The following CDH12 variants were observed in gnomAD, a reference collection of about 807,000 sequenced individuals.
CDH12 encodes cadherin-12.
A neutral mutation model predicts 74.1 loss-of-function variants in CDH12; 41 were observed. The ratio of observed to expected loss-of-function variants is 0.55; its 90% CI spans 0.43 to 0.72. CDH12 has a LOEUF of 0.72. CDH12 is among the 30% of genes least tolerant of loss of function. The pLI is 0.00. For synonymous variants in CDH12, 399 were observed against 355.0 expected, an observed-to-expected ratio of 1.12 and a Z score of -1.39; for missense variants, 945 against 977.2, an observed-to-expected ratio of 0.97 and a Z score of 0.44.
At chr5:22,162,847 A>T (rs1185437970) in intron 4 of CDH12, among the ~76,000 whole-genome samples, 1 of 147,950 alleles carries the variant, frequency 6.8e-6, no homozygotes, top group African/African-American at 2.5e-5. Flanking sequence ...TATGCAGGCT[A>T]TTCCTCTGCA....
At chr5:22,348,378 T>G (rs1740215749) in intron 3 of CDH12, among the ~76,000 whole-genome samples, 1 of 152,234 alleles carries the variant, frequency 6.6e-6, no homozygotes, top group South Asian at 2.1e-4. Context: ...TGTCGGAATT[T>G]GTTCAGTCTG....
chr5:22,572,337 C>G (rs1192872980), intron 1 of CDH12, among the ~76,000 whole-genome samples: 6 of 152,134 alleles, frequency 3.9e-5, no homozygotes, highest in African/African-American at 1.4e-4. Context: ...TATTTTTCAT[C>G]TTTGAATATT....
At chr5:22,328,653 T>C (rs1739223042) in intron 3 of CDH12, among the ~76,000 whole-genome samples, 2 of 152,136 alleles carry the variant, frequency 1.3e-5, no homozygotes, top group Non-Finnish European at 2.9e-5. Context: ...CAACAGGATT[T>C]GGTGTCTCTA....
At chr5:22,322,905 G>T (rs764098555) in intron 3 of CDH12, among the ~76,000 whole-genome samples, 4 of 152,068 alleles carry the variant, frequency 2.6e-5, no homozygotes, top group South Asian at 2.1e-4. Context: ...ATACTTGGTT[G>T]AACAGAGTAA....
At chr5:22,779,514 T>G (rs182451437) in intron 1 of CDH12, among the ~76,000 whole-genome samples, 1 of 152,300 alleles carries the variant, frequency 6.6e-6, no homozygotes, top group Non-Finnish European at 1.5e-5. Context: ...CCAGTTGATA[T>G]AGTTTGGCTC....
At chr5:22,381,294 T>G (rs1385062415) in intron 3 of CDH12, among the ~76,000 whole-genome samples, 1 of 152,074 alleles carries the variant, frequency 6.6e-6, no homozygotes, top group Non-Finnish European at 1.5e-5. Flanking sequence ...ATTATGCCTT[T>G]GATCTGTAAA....
intron 6 of CDH12, among the ~76,000 whole-genome samples, chr5:21,861,698 G>A (rs1751052429): frequency 1.3e-5 from 2 of 151,900 alleles, no homozygotes; most frequent in Non-Finnish European, 2.9e-5. Context: ...GTAAATTCTT[G>A]CCATTGCCAC....
intron 5 of CDH12, among the ~76,000 whole-genome samples, chr5:21,998,947 C>T (rs73742034): frequency 0.019 from 2,876 of 152,204 alleles, 99 homozygotes; most frequent in African/African-American, 0.065. Flanking sequence ...AAACACAATA[C>T]AGAGAAAATT....
chr5:22,390,622 A>G (rs1487367069), intron 3 of CDH12, among the ~76,000 whole-genome samples: 1 of 147,972 alleles, frequency 6.8e-6, no homozygotes, highest in East Asian at 2.0e-4. Context: ...AGATAGATAG[A>G]TGATAGAATA....
intron 1 of CDH12, among the ~76,000 whole-genome samples, chr5:22,791,061 G>C (rs1241231139): frequency 6.6e-6 from 1 of 152,134 alleles, no homozygotes; most frequent in East Asian, 1.9e-4. Flanking sequence ...CTGTATGTCT[G>C]AATTAATTTT....
intron 3 of CDH12, among the ~76,000 whole-genome samples, chr5:22,327,645 A>G (rs1342203000): frequency 6.6e-6 from 1 of 152,148 alleles, no homozygotes; most frequent in Non-Finnish European, 1.5e-5. Flanking sequence ...ATAAATAGAC[A>G]TTATTACTTT....
chr5:22,632,944 C>T (rs544985015), intron 1 of CDH12, among the ~76,000 whole-genome samples: 2 of 151,690 alleles, frequency 1.3e-5, no homozygotes, highest in East Asian at 1.9e-4. Context: ...AGAACAAAAA[C>T]AAAGCAGGAT....
intron 3 of CDH12, among the ~76,000 whole-genome samples, chr5:22,243,162 C>A (rs1472093954): frequency 1.3e-5 from 2 of 151,996 alleles, no homozygotes; most frequent in Admixed American, 1.3e-4. Flanking sequence ...TGATATGGAA[C>A]CATGAATAGC....
intron 6 of CDH12, among the ~76,000 whole-genome samples, chr5:21,899,460 G>A (rs905426370): frequency 6.6e-6 from 1 of 152,156 alleles, no homozygotes; most frequent in East Asian, 1.9e-4. Flanking sequence ...TAGGAACGAG[G>A]CTAAAGCTAC....
intron 1 of CDH12, among the ~76,000 whole-genome samples, chr5:22,681,492 C>A (rs906508824): frequency 6.6e-6 from 1 of 151,896 alleles, no homozygotes; most frequent in African/African-American, 2.4e-5. Flanking sequence ...GGAATAAGGG[C>A]TGCAAGATCG....
intron 6 of CDH12, among the ~76,000 whole-genome samples, chr5:21,942,859 G>A (rs1462110083): frequency 6.6e-6 from 1 of 152,164 alleles, no homozygotes; most frequent in African/African-American, 2.4e-5. Flanking sequence ...GCATTGACTA[G>A]TATGAGAAAA....
intron 3 of CDH12, among the ~76,000 whole-genome samples, chr5:22,367,634 T>G (rs1258549166): frequency 6.6e-6 from 1 of 152,182 alleles, no homozygotes; most frequent in Admixed American, 6.5e-5. Context: ...ATAAGAAGTT[T>G]CCTTATGCTT....
chr5:22,237,514 T>C (rs1752599452), intron 3 of CDH12, among the ~76,000 whole-genome samples: 1 of 152,108 alleles, frequency 6.6e-6, no homozygotes, highest in South Asian at 2.1e-4. Context: ...TGCCTTACCA[T>C]TCCTCCTTGT....
chr5:21,801,375 C>G (rs191386301), intron 10 of CDH12, among the ~76,000 whole-genome samples: 3 of 152,288 alleles, frequency 2.0e-5, no homozygotes, highest in African/African-American at 7.2e-5. Flanking sequence ...GAACAAATCT[C>G]ATACTTGTCT....
Sources: gnomAD v4.1 joint callset for allele counts (sites outside exome capture counted in the v4.1 genomes callset) on GRCh38, gnomAD v4.1.1 for gene constraint, MANE v1.5 for transcripts, NCBI Gene and HGNC (gene_info 2026-07-23, HGNC 2026-07-21) for gene names.